The following RAPGEF1 variants were observed in gnomAD, a reference collection of about 807,000 sequenced individuals.
RAPGEF1 encodes CRK SH3-binding GNRP.
A neutral mutation model predicts 143.3 loss-of-function variants in RAPGEF1; 33 were observed. That is an observed-to-expected ratio of 0.23 (90% CI 0.17 to 0.31). The LOEUF is 0.31. RAPGEF1 is among the 10% of genes least tolerant of loss of function. The pLI is 1.00. For missense variants in RAPGEF1, 1,199 were observed against 1,645.4 expected, an observed-to-expected ratio of 0.73 and a Z score of 4.69; for synonymous variants, 629 against 676.5, an observed-to-expected ratio of 0.93 and a Z score of 1.09.
At position 131,650,624 on chromosome 9, in the gene RAPGEF1, G is replaced by A. The variant is rs549299272; in HGVS notation, c.201+186C>T. ...TCTTAGCCAACTGAGCTTGGCTAAC[G>A]TGGCAAACACTCACCATCCTAATGG... On this transcript the variant is annotated intron_variant, in intron 2 of 26. Coordinates refer to ENST00000683357, the MANE Select transcript of RAPGEF1 (RefSeq NM_001377935.1). The surrounding 1 kb of genome is among the most constrained non-coding windows in gnomAD (Gnocchi z 4.7). 1.3e-5 allele frequency among the ~76,000 whole-genome samples: 2 copies of A among 152,190 alleles called. No homozygotes were observed. Among genetic ancestry groups the A allele is most frequent in the Admixed American group, 6.5e-5 (1 of 15,278 alleles).
intron 12 of RAPGEF1, among the ~76,000 whole-genome samples, chr9:131,607,834 G>A (rs930495141): frequency 7.9e-5 from 12 of 152,292 alleles, no homozygotes; most frequent in African/African-American, 2.4e-4. Context: ...GTGCTTCCAC[G>A]TGCCCTGCAA....
intron 1 of RAPGEF1, among the ~76,000 whole-genome samples, chr9:131,652,245 AC>A (rs889398405): frequency 3.3e-5 from 5 of 152,032 alleles, no homozygotes; most frequent in Middle Eastern, 3.2e-3. Flanking sequence ...TTTAAAAAAA[AC>A]ATTTTTATTC....
At chr9:131,709,354 T>C (rs1026161851) in intron 1 of RAPGEF1, among the ~76,000 whole-genome samples, 2 of 151,920 alleles carry the variant, frequency 1.3e-5, no homozygotes, top group Admixed American at 6.6e-5. Flanking sequence ...TCAAAAAAAA[T>C]AAAAATTTTC....
chr9:131,598,081 A>G (rs1172952112), intron 16 of RAPGEF1, 118 bp downstream of exon 16: 1 of 838,054 alleles, frequency 1.2e-6, no homozygotes, highest in Non-Finnish European at 1.9e-6. Context: ...GCATTGAAAG[A>G]CTTGGTCTCT....
intron 5 of RAPGEF1, 81 bp downstream of exon 5, chr9:131,638,554 A>G (rs1452364526): frequency 4.6e-6 from 7 of 1,507,478 alleles, no homozygotes; most frequent in Non-Finnish European, 1.8e-6. Context: ...GAAGGTCAGG[A>G]GCAAGCTCTT....
At chr9:131,728,262 G>T (rs149620137) in intron 1 of RAPGEF1, among the ~76,000 whole-genome samples, 1 of 152,134 alleles carries the variant, frequency 6.6e-6, no homozygotes, top group Non-Finnish European at 1.5e-5. Flanking sequence ...CTTTGTACAC[G>T]AGGACCTTGA....
chr9:131,601,502 T>C (rs1470956971), intron 15 of RAPGEF1, among the ~76,000 whole-genome samples: 1 of 152,202 alleles, frequency 6.6e-6, no homozygotes, highest in Admixed American at 6.5e-5. Flanking sequence ...GCAAACTACA[T>C]GTGAAGGCCT....
chr9:131,646,596 C>T (rs551701018), intron 3 of RAPGEF1, among the ~76,000 whole-genome samples: 28 of 152,308 alleles, frequency 1.8e-4, no homozygotes, highest in African/African-American at 5.1e-4. Flanking sequence ...TCCCCACAGC[C>T]GTGCCGCAGC....
chr9:131,690,946 C>T (rs376483889), intron 1 of RAPGEF1, among the ~76,000 whole-genome samples: 1 of 152,158 alleles, frequency 6.6e-6, no homozygotes, highest in African/African-American at 2.4e-5. Flanking sequence ...TATTGATTTA[C>T]TCTTAATGAG....
Position 131,739,936 on chromosome 9 carries a change from C to T in RAPGEF1, c.-106G>A, listed in dbSNP as rs1440993391. On this transcript the variant is annotated 5_prime_UTR_variant, in exon 1 of 27. Transcript: ENST00000683357. ...ACCCGCGCCGGCATGGCGGGCTCCGCGCGGCCGCGGCCCTGCGCTCGGCGA... is the reference window on the plus strand; with the variant it reads ...ACCCGCGCCGGCATGGCGGGCTCCGTGCGGCCGCGGCCCTGCGCTCGGCGA... The T allele has an allele frequency of 6.3e-6, 4 of 631,126 alleles. No homozygotes were observed. The highest frequency in any genetic ancestry group is 7.9e-6 in the Non-Finnish European group (4 of 509,462). 39.1% of individuals were successfully genotyped at this position (631,126 alleles called of 1,614,324 possible). A position where few individuals can be genotyped will look rare whatever the true frequency, so the allele number is the denominator to read the frequency against.
chr9:131,713,781 C>T lies in RAPGEF1; in HGVS notation c.61+25989G>A, dbSNP rs552805427. ...TCCAGTCTGGGCCACAGAGCGAGAA[C>T]CCATCTCTAAAAAACTAAACTAAAA... On this transcript the variant is annotated intron_variant, in intron 1 of 26. Coordinates refer to ENST00000683357, the MANE Select transcript of RAPGEF1 (RefSeq NM_001377935.1). Among the ~76,000 whole-genome samples the T allele has an allele frequency of 2.0e-5, 3 of 152,168 alleles. No individual in the cohort carries two copies. In the South Asian group the frequency reaches 6.2e-4, roughly 32 times the overall value.
chr9:131,660,388 G>A (rs935609738), intron 1 of RAPGEF1, among the ~76,000 whole-genome samples: 2 of 151,244 alleles, frequency 1.3e-5, no homozygotes, highest in Non-Finnish European at 2.9e-5. Context: ...AATATATAAC[G>A]TAGACGGTAA....
At chr9:131,657,054 C>T (rs1289850287) in intron 1 of RAPGEF1, among the ~76,000 whole-genome samples, 1 of 152,260 alleles carries the variant, frequency 6.6e-6, no homozygotes, top group Non-Finnish European at 1.5e-5. Flanking sequence ...ATGTTTGTCA[C>T]ATCCTTCTTG....
intron 1 of RAPGEF1, among the ~76,000 whole-genome samples, chr9:131,700,865 T>C (rs756147370): frequency 6.6e-6 from 1 of 152,192 alleles, no homozygotes; most frequent in African/African-American, 2.4e-5. Context: ...AAGTGAAGAA[T>C]GGTTTTCATA....
At chr9:131,614,853 A>T (rs1222371344) in intron 12 of RAPGEF1, among the ~76,000 whole-genome samples, 1 of 151,288 alleles carries the variant, frequency 6.6e-6, no homozygotes, top group Non-Finnish European at 1.5e-5. Context: ...TTTTTTTTAA[A>T]CAGATGACAG....
At chr9:131,607,757 T>G (rs1957342131) in intron 12 of RAPGEF1, among the ~76,000 whole-genome samples, 1 of 152,180 alleles carries the variant, frequency 6.6e-6, no homozygotes, top group Non-Finnish European at 1.5e-5. Context: ...TAAGGAGTCA[T>G]GTTCCGCGCT....
At chr9:131,723,855 A>G (rs1172487227) in intron 1 of RAPGEF1, among the ~76,000 whole-genome samples, 1 of 152,168 alleles carries the variant, frequency 6.6e-6, no homozygotes, top group Non-Finnish European at 1.5e-5. Flanking sequence ...GAGCTGCCAT[A>G]CTGTTTTCCA....
At chr9:131,640,298 G>A (rs931845040) in intron 4 of RAPGEF1, among the ~76,000 whole-genome samples, 1 of 152,230 alleles carries the variant, frequency 6.6e-6, no homozygotes, top group Non-Finnish European at 1.5e-5. Context: ...CTGATGTGCT[G>A]TAGGAGGATT....
chr9:131,710,957 C>T (rs974406962), intron 1 of RAPGEF1, among the ~76,000 whole-genome samples: 3 of 152,124 alleles, frequency 2.0e-5, no homozygotes, highest in African/African-American at 7.2e-5. Flanking sequence ...TCCAGTCTCA[C>T]CTCCTCAGCT....
Sources: allele counts gnomAD v4.1 joint callset (sites outside exome capture counted in the v4.1 genomes callset), GRCh38; gene constraint gnomAD v4.1.1; non-coding constraint Gnocchi (gnomAD v3.1); transcripts MANE v1.5; gene names NCBI Gene and HGNC (gene_info 2026-07-23, HGNC 2026-07-21).